Variants in HERC4 observed in about 807,000 individuals in gnomAD.
HERC4 encodes probable E3 ubiquitin-protein ligase HERC4.
HERC4 carries 28 observed loss-of-function variants against 124.3 expected under a neutral mutation model. That is an observed-to-expected ratio of 0.23 (90% confidence interval 0.17 to 0.31). HERC4 has a LOEUF of 0.31. Among genes scored for constraint, HERC4 ranks in the 10% least tolerant of loss-of-function variants. The probability of loss-of-function intolerance (pLI) is 1.00; values close to 1 mark genes in which losing one functional copy is unlikely to be tolerated. For missense variants in HERC4, 713 were observed against 1,229.3 expected, an observed-to-expected ratio of 0.58 and a Z score of 6.28; for synonymous variants, 407 against 421.5, an observed-to-expected ratio of 0.97 and a Z score of 0.42.
chr10:68,059,814 ATT>A (rs2040869476), intron 3 of HERC4, among the ~76,000 whole-genome samples: 6 of 83,046 alleles, frequency 7.2e-5, no homozygotes, highest in Admixed American at 4.0e-4. Flanking sequence ...ATATTATAAT[ATT>A]ATATATCATA....
At chr10:67,927,447 GAT>G (rs2031250930) in intron 23 of HERC4, among the ~76,000 whole-genome samples, 6 of 63,886 alleles carry the variant, frequency 9.4e-5, no homozygotes, top group Non-Finnish European at 1.4e-4. Flanking sequence ...TTTTTTTTTA[GAT>G]AGAGTCTTGC....
intron 15 of HERC4, among the ~76,000 whole-genome samples, chr10:67,978,048 AG>A (rs1296776094): frequency 6.6e-6 from 1 of 151,438 alleles, no homozygotes; most frequent in African/African-American, 2.4e-5. Context: ...AGGCCAAGGC[AG>A]GCAGATCCTT....
rs1404787647 is a variant in HERC4 at position 68,004,490 on chromosome 10, T to C, written c.1069+9536A>G. On this transcript the variant is annotated intron_variant, in intron 9 of 24. Transcript: ENST00000373700. ...TTGCCCAGACCAATGTCCTGGAGAG[T>C]TTCCTCAGCTTTCTTGTCATAGTTT... Among the ~76,000 whole-genome samples, 3 of 152,124 alleles carry C rather than the reference T, an allele frequency of 2.0e-5. No homozygotes were observed. The East Asian group carries it at 5.8e-4, about 29-fold the overall frequency.
rs1173761911 is a variant in HERC4 at position 67,956,995 on chromosome 10, C to T, written c.1927-19G>A. 1 of 1,414,950 alleles carries T rather than the reference C, an allele frequency of 7.1e-7. No homozygotes were observed. Among genetic ancestry groups the T allele is most frequent in the Non-Finnish European group, 9.7e-7 (1 of 1,032,508 alleles). 87.6% of individuals were successfully genotyped at this position (1,414,950 alleles called of 1,614,324 possible). A position where few individuals can be genotyped will look rare whatever the true frequency, so the allele number is the denominator to read the frequency against. On this transcript the variant is annotated intron_variant, in intron 16 of 24. Coordinates refer to ENST00000373700, the MANE Select transcript of HERC4 (RefSeq NM_015601.4). ...CTGCCAACTGGAAATAAAAAATTAA[C>T]TTATTAGTACAAGTTGATTTGTGAT...
chr10:68,052,629 A>G (rs2040370945), intron 3 of HERC4, among the ~76,000 whole-genome samples: 1 of 152,222 alleles, frequency 6.6e-6, no homozygotes, highest in Admixed American at 6.5e-5. Context: ...TTGAATGAGT[A>G]ACTGGGTAAA....
chr10:68,067,255 G>A (rs503677), intron 3 of HERC4: 81,072 of 152,478 alleles, frequency 0.53, 25,564 homozygotes, highest in African/African-American at 0.86. Context: ...TTTCTCTAAC[G>A]GTAGTCATCT....
rs147027018 is a variant in HERC4 at position 68,058,893 on chromosome 10, C to T, written c.226+13990G>A. ...TTTACATTGTTTTTTAAAAGGTATG[C>T]AGTGAGAGTCTACTATGTATGTTCT... On this transcript the variant is annotated intron_variant, in intron 3 of 24. Transcript: ENST00000373700. Among the ~76,000 whole-genome samples the T allele has an allele frequency of 4.1e-4, 63 of 152,078 alleles. 1 individual carries two copies. The East Asian group carries it at 7.2e-3, about 17-fold the overall frequency.
chr10:68,035,674 A>T (rs185386213), intron 5 of HERC4, among the ~76,000 whole-genome samples: 1 of 151,970 alleles, frequency 6.6e-6, no homozygotes, highest in Non-Finnish European at 1.5e-5. Flanking sequence ...TATGTTTCCA[A>T]TCTCTTCTCA....
chr10:67,937,582 TTTTG>T (rs1264101523), intron 21 of HERC4, among the ~76,000 whole-genome samples: 3 of 151,960 alleles, frequency 2.0e-5, no homozygotes, highest in Non-Finnish European at 2.9e-5. Flanking sequence ...AGAAAATCGT[TTTTG>T]TTTTTGTTTT....
intron 5 of HERC4, among the ~76,000 whole-genome samples, chr10:68,035,710 C>T (rs865990650): frequency 1.3e-5 from 2 of 152,058 alleles, no homozygotes; most frequent in African/African-American, 2.4e-5. Context: ...ATACTCTAGC[C>T]GTATTGCCTT....
At chr10:68,040,008 G>A (rs2039680563) in intron 4 of HERC4, 1 of 717,322 alleles carries the variant, frequency 1.4e-6, no homozygotes, top group African/African-American at 1.9e-5. Context: ...CTGCTAAACA[G>A]TAAGTTCTGT....
chr10:68,014,153 T>C lies in HERC4; in HGVS notation c.942A>G (p.Gly314=). The C allele has an allele frequency of 6.2e-7, 1 of 1,612,714 alleles. No homozygotes were observed. The highest frequency in any genetic ancestry group is 8.5e-7 in the Non-Finnish European group (1 of 1,179,600). The change falls in exon 9 of 25, where the codon GGA becomes GGG. Residue 314 remains glycine (G), a synonymous_variant. Transcript: ENST00000373700. ...CACCAAGCCCAAAAGAGTAAATTCG[T>C]CCTGATGAAGGAACAAAAGCAGAAG... The part of the protein sequence containing the change: ...QHTSAFVPSS[G]RIYSFGLGGN...
intron 3 of HERC4, among the ~76,000 whole-genome samples, chr10:68,045,253 A>G (rs1049961500): frequency 9.2e-5 from 14 of 152,246 alleles, no homozygotes; most frequent in African/African-American, 3.4e-4. Flanking sequence ...AATCTGGGAG[A>G]TGGAGGTTGC....
chr10:67,994,301 TA>T (rs916074199), intron 9 of HERC4: 4 of 152,234 alleles, frequency 2.6e-5, no homozygotes, highest in Non-Finnish European at 5.9e-5. Context: ...TATTTACTCT[TA>T]AAATGTGATT....
intron 19 of HERC4, among the ~76,000 whole-genome samples, chr10:67,941,820 T>A (rs1256550635): frequency 6.6e-6 from 1 of 151,860 alleles, no homozygotes; most frequent in East Asian, 1.9e-4. Context: ...ACAGCCAGGC[T>A]AATTTTTGTA....
intron 3 of HERC4, among the ~76,000 whole-genome samples, chr10:68,059,081 T>G (rs902958323): frequency 1.2e-4 from 19 of 152,088 alleles, no homozygotes; most frequent in South Asian, 2.1e-4. Context: ...TCTCTATACA[T>G]TACTCTCTAC....
At chr10:67,988,484 G>A (rs1214740297) in intron 15 of HERC4, among the ~76,000 whole-genome samples, 179 bp downstream of exon 15, 4 of 151,976 alleles carry the variant, frequency 2.6e-5, no homozygotes, top group Admixed American at 2.0e-4. Flanking sequence ...TAAGACCAGA[G>A]CTCCAAAGGA....
rs1178946819 is a variant in HERC4, at chr10:68,059,711, CATA to C, written c.226+13169_226+13171del. On this transcript the variant is annotated intron_variant, in intron 3 of 24. Transcript: ENST00000373700. ...TATTATATATTATAATATTATATAT[CATA>C]ATATTATATATTATATATCATAATA... is the stretch of plus-strand genomic sequence containing the variant. Among the ~76,000 whole-genome samples the C allele has an allele frequency of 1.1e-3, 47 of 42,444 alleles. 7 individuals carry two copies. In the East Asian group the frequency reaches 0.012, roughly 11 times the overall value. The allele number at this position is 42,444 out of a possible 152,430, so 27.8% of individuals were successfully genotyped here. A position where few individuals can be genotyped will look rare whatever the true frequency, so the allele number is the denominator to read the frequency against.
chr10:68,043,447 T>C (rs1307267797), intron 4 of HERC4, among the ~76,000 whole-genome samples: 1 of 152,248 alleles, frequency 6.6e-6, no homozygotes, highest in East Asian at 1.9e-4. Flanking sequence ...ATTATTTATG[T>C]ATCTGAAATA....
Sources: allele counts gnomAD v4.1 joint callset (sites outside exome capture counted in the v4.1 genomes callset), GRCh38; gene constraint gnomAD v4.1.1; transcripts MANE v1.5; gene names NCBI Gene and HGNC (gene_info 2026-07-23, HGNC 2026-07-21).